CPQ: variants seen among roughly 807,000 people sequenced by gnomAD.
CPQ encodes Ser-Met dipeptidase.
CPQ carries 37 observed loss-of-function variants against 45.7 expected under a neutral mutation model. The ratio of observed to expected loss-of-function variants is 0.81; its 90% CI spans 0.62 to 1.07. The LOEUF is 1.07. CPQ is among the 50% of genes least tolerant of loss of function. The pLI is 0.00. For missense variants in CPQ, 537 were observed against 572.9 expected, an observed-to-expected ratio of 0.94 and a Z score of 0.64; for synonymous variants, 186 against 205.8, an observed-to-expected ratio of 0.90 and a Z score of 0.82.
chr8:96,929,937 G>A (rs557905608), intron 4 of CPQ, among the ~76,000 whole-genome samples: 1 of 152,016 alleles, frequency 6.6e-6, no homozygotes, highest in South Asian at 2.1e-4. Context: ...CTGTGTTCAG[G>A]TCAAAGCTTG....
At chr8:97,027,798 C>T (rs1029719706) in intron 5 of CPQ, among the ~76,000 whole-genome samples, 2 of 152,298 alleles carry the variant, frequency 1.3e-5, no homozygotes, top group Non-Finnish European at 2.9e-5. Flanking sequence ...GGCGACATTA[C>T]AATGAATAAA....
chr8:96,852,421 C>A (rs1161324953), intron 3 of CPQ, among the ~76,000 whole-genome samples: 2 of 152,140 alleles, frequency 1.3e-5, no homozygotes, highest in African/African-American at 4.8e-5. Flanking sequence ...TTTCTCTCAG[C>A]AAATATGATT....
At chr8:96,681,759 G>C (rs910854393) in intron 1 of CPQ, among the ~76,000 whole-genome samples, 2 of 152,300 alleles carry the variant, frequency 1.3e-5, no homozygotes, top group Admixed American at 1.3e-4. Flanking sequence ...CAGCCAGGAG[G>C]GGGGCTATAC....
chr8:97,096,623 G>A (rs1187525401), intron 7 of CPQ, among the ~76,000 whole-genome samples: 4 of 152,200 alleles, frequency 2.6e-5, no homozygotes, highest in Non-Finnish European at 2.9e-5. Context: ...GTCCTAATGC[G>A]TGAAGATGGC....
chr8:96,751,928 GTTGAAGA>G (rs1422280104), intron 1 of CPQ, among the ~76,000 whole-genome samples: 2 of 152,144 alleles, frequency 1.3e-5, no homozygotes, highest in Admixed American at 6.5e-5. Flanking sequence ...TGTCAGGTTT[GTTGAAGA>G]TGAGATGTTT....
intron 1 of CPQ, among the ~76,000 whole-genome samples, chr8:96,721,171 CCT>C (rs1809758879): frequency 6.6e-6 from 1 of 152,036 alleles, no homozygotes; most frequent in Admixed American, 6.5e-5. Flanking sequence ...ATGGTTTCTT[CCT>C]CTCTGGTGCC....
At chr8:96,766,634 T>C (rs1810471244) in intron 1 of CPQ, among the ~76,000 whole-genome samples, 1 of 152,110 alleles carries the variant, frequency 6.6e-6, no homozygotes, top group East Asian at 1.9e-4. Flanking sequence ...GAGTTAGTAA[T>C]GAAGTAGAGA....
chr8:96,772,354 G>T (rs1652391368), intron 1 of CPQ, among the ~76,000 whole-genome samples: 1 of 152,088 alleles, frequency 6.6e-6, no homozygotes, highest in African/African-American at 2.4e-5. Flanking sequence ...TGATGGGGTG[G>T]TGGAAGTGCC....
chr8:96,857,205 A>G (rs1014982520), intron 3 of CPQ, among the ~76,000 whole-genome samples: 59 of 152,198 alleles, frequency 3.9e-4, no homozygotes, highest in Non-Finnish European at 6.6e-4. Context: ...ATAGTGCCTC[A>G]AGGTCACTAG....
chr8:97,140,695 T>C (rs1812143371), intron 7 of CPQ, among the ~76,000 whole-genome samples: 1 of 152,060 alleles, frequency 6.6e-6, no homozygotes, highest in Non-Finnish European at 1.5e-5. Flanking sequence ...TTTTGGAGTA[T>C]ATTTAAATGA....
At chr8:96,674,540 A>G (rs1261874333) in intron 1 of CPQ, among the ~76,000 whole-genome samples, 1 of 152,144 alleles carries the variant, frequency 6.6e-6, no homozygotes, top group Admixed American at 6.6e-5. Flanking sequence ...GAGTGATTGT[A>G]TTACATTCCT....
At chr8:96,817,623 T>TA (rs1481079416) in intron 2 of CPQ, among the ~76,000 whole-genome samples, 5 of 151,968 alleles carry the variant, frequency 3.3e-5, no homozygotes, top group African/African-American at 4.8e-5. Flanking sequence ...TTTTTTTTTT[T>TA]TTATTATTGA....
intron 3 of CPQ, among the ~76,000 whole-genome samples, chr8:96,861,545 T>G (rs1279249256): frequency 6.6e-6 from 1 of 152,138 alleles, no homozygotes; most frequent in Non-Finnish European, 1.5e-5. Flanking sequence ...GACAAATTCT[T>G]CACATTCTCA....
At chr8:97,051,704 C>T (rs1437189440) in intron 6 of CPQ, among the ~76,000 whole-genome samples, 1 of 152,206 alleles carries the variant, frequency 6.6e-6, no homozygotes, top group Non-Finnish European at 1.5e-5. Flanking sequence ...TGCAAAACAA[C>T]TATTATTCCC....
At chr8:96,769,260 G>A (rs865861081) in intron 1 of CPQ, among the ~76,000 whole-genome samples, 2 of 152,152 alleles carry the variant, frequency 1.3e-5, no homozygotes. Flanking sequence ...CACTTTATGA[G>A]GTTAGAATCC....
intron 1 of CPQ, among the ~76,000 whole-genome samples, chr8:96,671,191 G>T (rs974832219): frequency 1.3e-5 from 2 of 152,034 alleles, no homozygotes; most frequent in African/African-American, 4.8e-5. Flanking sequence ...AAGTCTTTTT[G>T]TCAACCAGTG....
intron 1 of CPQ, among the ~76,000 whole-genome samples, chr8:96,677,433 G>A (rs1216256221): frequency 6.6e-6 from 1 of 152,082 alleles, no homozygotes; most frequent in African/African-American, 2.4e-5. Flanking sequence ...TAGTGATGTT[G>A]AGCATCTTTG....
At chr8:96,900,405 C>G (rs1812499210) in intron 4 of CPQ, among the ~76,000 whole-genome samples, 1 of 152,052 alleles carries the variant, frequency 6.6e-6, no homozygotes, top group Non-Finnish European at 1.5e-5. Context: ...GTTTGTTGCC[C>G]TGTGTTAGAC....
intron 4 of CPQ, among the ~76,000 whole-genome samples, chr8:96,927,666 T>C (rs1486806306): frequency 6.6e-6 from 1 of 152,180 alleles, no homozygotes; most frequent in African/African-American, 2.4e-5. Context: ...GAAAACCCTA[T>C]GCTGTCTCAT....
Sources: gnomAD v4.1 joint callset for allele counts (sites outside exome capture counted in the v4.1 genomes callset) on GRCh38, gnomAD v4.1.1 for gene constraint, MANE v1.5 for transcripts, NCBI Gene and HGNC (gene_info 2026-07-23, HGNC 2026-07-21) for gene names.